Variants in SNTG1 observed in about 807,000 individuals in gnomAD.
The protein encoded by SNTG1 is gamma-1-syntrophin.
In SNTG1, 39 loss-of-function variants were observed where a neutral mutation model predicts 74.7. The ratio of observed to expected loss-of-function variants is 0.52; its 90% CI spans 0.40 to 0.68. The LOEUF is 0.68. Among genes scored for constraint, SNTG1 ranks in the 30% least tolerant of loss-of-function variants. SNTG1 has a pLI of 0.00. For synonymous variants in SNTG1, 254 were observed against 217.1 expected (o/e 1.17, Z -1.49); for missense variants, 685 against 609.5 (o/e 1.12, Z -1.30).
At chr8:50,052,600 T>A (rs1222868196) in intron 1 of SNTG1, among the ~76,000 whole-genome samples, 2 of 151,740 alleles carry the variant, frequency 1.3e-5, no homozygotes, top group African/African-American at 4.8e-5. Flanking sequence ...TAAAAAAGAG[T>A]TTTTACCCCA....
intron 13 of SNTG1, among the ~76,000 whole-genome samples, chr8:50,591,414 A>T (rs1362152677): frequency 6.6e-6 from 1 of 152,174 alleles, no homozygotes; most frequent in African/African-American, 2.4e-5. Flanking sequence ...AATATCTATG[A>T]TAGCTATTTA....
intron 9 of SNTG1, among the ~76,000 whole-genome samples, chr8:50,506,150 A>G (rs570659869): frequency 6.6e-6 from 1 of 152,222 alleles, no homozygotes; most frequent in Admixed American, 6.5e-5. Context: ...TGTTTAAAAT[A>G]ATTTCATCAC....
chr8:50,349,258 C>G (rs553115672), intron 2 of SNTG1, among the ~76,000 whole-genome samples: 1 of 151,718 alleles, frequency 6.6e-6, no homozygotes, highest in East Asian at 2.0e-4. Context: ...GGGAATTGTG[C>G]TAGGTGCTAA....
chr8:50,110,121 C>A (rs557000142), intron 1 of SNTG1, among the ~76,000 whole-genome samples: 5 of 152,252 alleles, frequency 3.3e-5, no homozygotes, highest in African/African-American at 1.2e-4. Flanking sequence ...ACTGCTCCTG[C>A]GTATCTCTTA....
intron 2 of SNTG1, among the ~76,000 whole-genome samples, chr8:50,336,730 A>G (rs1253431322): frequency 6.6e-6 from 1 of 152,204 alleles, no homozygotes; most frequent in Non-Finnish European, 1.5e-5. Context: ...GATTTATTGA[A>G]TGTATTTGTC....
At chr8:49,913,891 T>C (rs1805791537) in intron 1 of SNTG1, among the ~76,000 whole-genome samples, 1 of 152,194 alleles carries the variant, frequency 6.6e-6, no homozygotes, top group Admixed American at 6.5e-5. Context: ...TCTGTGTATA[T>C]GGCCGCAGTT....
At chr8:50,477,367 G>A (rs943091818) in intron 8 of SNTG1, among the ~76,000 whole-genome samples, 2 of 151,980 alleles carry the variant, frequency 1.3e-5, no homozygotes, top group African/African-American at 4.8e-5. Flanking sequence ...CTTTATTTCT[G>A]TGGTCCCCTT....
rs59272691 is a variant in SNTG1 at position 49,921,272 on chromosome 8, G to A, written c.-103+9041G>A. Among the ~76,000 whole-genome samples, 217 of 152,114 alleles carry A rather than the reference G, an allele frequency of 1.4e-3. 1 individual carries two copies. Among genetic ancestry groups the A allele is most frequent in the Middle Eastern group, 6.8e-3 (2 of 292 alleles). On this transcript the variant is annotated intron_variant, in intron 1 of 18. Transcript: ENST00000642720. ...AGAAAGTGTAGGGGAAAGGTATAAA[G>A]GAAAATGCATGGAGTTCTAACAAAC... is the stretch of plus-strand genomic sequence containing the variant.
At chr8:50,094,159 A>G (rs1438157909) in intron 1 of SNTG1, among the ~76,000 whole-genome samples, 1 of 152,094 alleles carries the variant, frequency 6.6e-6, no homozygotes, top group Admixed American at 6.6e-5. Flanking sequence ...GATAAGTAGC[A>G]CTGAGGACAC....
intron 4 of SNTG1, among the ~76,000 whole-genome samples, chr8:50,434,119 T>C (rs528139538): frequency 6.9e-6 from 1 of 144,378 alleles, no homozygotes; most frequent in African/African-American, 2.5e-5. Flanking sequence ...AATTCCCACC[T>C]ATGAGTGAGA....
chr8:50,724,519 G>A (rs183844646), intron 17 of SNTG1, among the ~76,000 whole-genome samples: 8 of 152,192 alleles, frequency 5.3e-5, no homozygotes, highest in Admixed American at 5.2e-4. Context: ...TTAAAAGACT[G>A]TTATCTCTAA....
intron 2 of SNTG1, among the ~76,000 whole-genome samples, chr8:50,256,317 A>T (rs956225005): frequency 6.6e-6 from 1 of 152,148 alleles, no homozygotes. Context: ...AATAAAGAAT[A>T]AAAAGTGAAA....
chr8:50,473,233 A>G (rs1054563103), intron 8 of SNTG1, among the ~76,000 whole-genome samples: 1 of 152,076 alleles, frequency 6.6e-6, no homozygotes, highest in Non-Finnish European at 1.5e-5. Context: ...GGCTCTTTCC[A>G]TTTCATTTGG....
intron 13 of SNTG1, among the ~76,000 whole-genome samples, chr8:50,591,499 A>T (rs2094691596): frequency 6.6e-6 from 1 of 152,290 alleles, no homozygotes; most frequent in East Asian, 1.9e-4. Flanking sequence ...AAAATGTAAG[A>T]TATTTTTCTT....
intron 8 of SNTG1, among the ~76,000 whole-genome samples, chr8:50,487,701 G>GGC (rs911504088): frequency 1.3e-5 from 2 of 151,196 alleles, no homozygotes; most frequent in African/African-American, 4.9e-5. Context: ...GTCGGAGGGG[G>GGC]GGGAGGGATA....
rs1020720789 is a variant in SNTG1, at chr8:50,056,556, A to G, written c.-102-116005A>G. On this transcript the variant is annotated intron_variant, in intron 1 of 18. Coordinates refer to ENST00000642720, the MANE Select transcript of SNTG1 (RefSeq NM_018967.5). ...ATTTTCAGGCCCTGGAGTGTGTCCA[A>G]CTTCTTGGGTTCCAATCTGTTCACA... Among the ~76,000 whole-genome samples the G allele has an allele frequency of 4.1e-4, 62 of 152,256 alleles. 1 individual carries two copies. The highest frequency in any genetic ancestry group is 8.9e-4 in the African/African-American group (37 of 41,566).
At chr8:50,637,971 T>C (rs1031778018) in intron 13 of SNTG1, among the ~76,000 whole-genome samples, 1 of 152,116 alleles carries the variant, frequency 6.6e-6, no homozygotes, top group Non-Finnish European at 1.5e-5. Flanking sequence ...AACTTTGCTT[T>C]CAAAACATGA....
At chr8:50,191,179 T>C (rs748335289) in intron 2 of SNTG1, among the ~76,000 whole-genome samples, 4 of 152,154 alleles carry the variant, frequency 2.6e-5, no homozygotes, top group Non-Finnish European at 5.9e-5. Context: ...TATTTGTTAT[T>C]TATATTATGC....
intron 2 of SNTG1, among the ~76,000 whole-genome samples, chr8:50,254,165 T>C (rs2086773172): frequency 6.6e-6 from 1 of 152,164 alleles, no homozygotes; most frequent in Non-Finnish European, 1.5e-5. Flanking sequence ...ATGCCATAAA[T>C]ATGTATAATT....
Sources: gnomAD v4.1 joint callset for allele counts (sites outside exome capture counted in the v4.1 genomes callset) on GRCh38, gnomAD v4.1.1 for gene constraint, MANE v1.5 for transcripts, NCBI Gene and HGNC (gene_info 2026-07-23, HGNC 2026-07-21) for gene names.